Variants in DLGAP2 observed in about 807,000 individuals in gnomAD.
DLGAP2 encodes disks large-associated protein 2.
A neutral mutation model predicts 100.3 loss-of-function variants in DLGAP2; 26 were observed. The ratio of observed to expected loss-of-function variants is 0.26; its 90% CI spans 0.19 to 0.36. The LOEUF is 0.36. DLGAP2 is among the 10% of genes least tolerant of loss of function. The pLI, the probability that DLGAP2 is intolerant of heterozygous loss-of-function variation, is 1.00. For missense variants in DLGAP2, 1,858 were observed against 1,453.2 expected (o/e 1.28, Z -4.53); for synonymous variants, 886 against 630.1 (o/e 1.41, Z -6.08).
At chr8:1,179,396 C>T (rs1309761019) in intron 2 of DLGAP2, among the ~76,000 whole-genome samples, 3 of 152,228 alleles carry the variant, frequency 2.0e-5, no homozygotes, top group East Asian at 1.9e-4. Flanking sequence ...ACTGTGCAGT[C>T]GATGGACACT....
chr8:989,750 A>G (rs926441825), intron 2 of DLGAP2, among the ~76,000 whole-genome samples: 4 of 152,178 alleles, frequency 2.6e-5, no homozygotes, highest in African/African-American at 4.8e-5. Context: ...ATCTTATGAA[A>G]TACATAATAT....
At chr8:1,075,667 G>A (rs529380010) in intron 2 of DLGAP2, among the ~76,000 whole-genome samples, 34 of 152,246 alleles carry the variant, frequency 2.2e-4, no homozygotes, top group Non-Finnish European at 4.1e-4. Context: ...TTCTCCTTCA[G>A]GTCCTTTGTG....
At chr8:1,226,658 T>G (rs1466677375) in intron 2 of DLGAP2, among the ~76,000 whole-genome samples, 1 of 152,206 alleles carries the variant, frequency 6.6e-6, no homozygotes, top group Non-Finnish European at 1.5e-5. Flanking sequence ...TGAGTAGATA[T>G]TCTCAGAAGA....
At chr8:1,200,621 C>G (rs1170924691) in intron 2 of DLGAP2, among the ~76,000 whole-genome samples, 3 of 152,240 alleles carry the variant, frequency 2.0e-5, no homozygotes, top group Admixed American at 6.5e-5. Context: ...CAAAGCGTCA[C>G]TTGCGCTGGA....
chr8:761,618 G>T (rs766966989), intron 1 of DLGAP2, among the ~76,000 whole-genome samples: 1 of 152,194 alleles, frequency 6.6e-6, no homozygotes, highest in South Asian at 2.1e-4. Context: ...CACCCTTAGG[G>T]AACATCTTCT....
At chr8:772,125 T>C (rs755472994) in intron 1 of DLGAP2, among the ~76,000 whole-genome samples, 16 of 152,266 alleles carry the variant, frequency 1.1e-4, no homozygotes, top group Non-Finnish European at 2.4e-4. Flanking sequence ...GCTCTTGACC[T>C]CCTGGGCTGA....
At chr8:1,191,210 C>T (rs1323651333) in intron 2 of DLGAP2, among the ~76,000 whole-genome samples, 3 of 143,506 alleles carry the variant, frequency 2.1e-5, no homozygotes, top group Non-Finnish European at 4.5e-5. Context: ...CTCACTCTGT[C>T]ACCCAGGCTG....
At chr8:1,357,026 C>T (rs150163445) in intron 3 of DLGAP2, among the ~76,000 whole-genome samples, 235 of 150,896 alleles carry the variant, frequency 1.6e-3, no homozygotes, top group African/African-American at 5.1e-3. Flanking sequence ...CAGAATCTGG[C>T]GGGAGAAATC....
chr8:1,067,695 A>T (rs1365021244), intron 2 of DLGAP2, among the ~76,000 whole-genome samples: 6 of 151,634 alleles, frequency 4.0e-5, no homozygotes, highest in African/African-American at 1.5e-4. Context: ...AATTAAGTGG[A>T]AAGTGCAGAC....
intron 3 of DLGAP2, among the ~76,000 whole-genome samples, chr8:1,425,484 A>G (rs1356234812): frequency 1.3e-5 from 2 of 152,196 alleles, no homozygotes; most frequent in Non-Finnish European, 2.9e-5. Context: ...TGATGGGAAC[A>G]CTGTGCTTGG....
At chr8:1,636,341 G>A (rs1441592960) in intron 8 of DLGAP2, among the ~76,000 whole-genome samples, 1 of 152,206 alleles carries the variant, frequency 6.6e-6, no homozygotes, top group Non-Finnish European at 1.5e-5. Context: ...AAGCATGGCA[G>A]AGGAAACAGC....
At chr8:1,487,796 G>C (rs192310166) in intron 3 of DLGAP2, among the ~76,000 whole-genome samples, 1 of 152,190 alleles carries the variant, frequency 6.6e-6, no homozygotes, top group Non-Finnish European at 1.5e-5. Context: ...AGGGCTGGTC[G>C]AGTACGAGTA....
chr8:1,560,071 A>T (rs1282601187), intron 5 of DLGAP2, among the ~76,000 whole-genome samples: 1 of 152,224 alleles, frequency 6.6e-6, no homozygotes, highest in Non-Finnish European at 1.5e-5. Context: ...CTTTTCTTAA[A>T]TTAAAAATAA....
chr8:770,474 C>T (rs1265922488), intron 1 of DLGAP2, among the ~76,000 whole-genome samples: 4 of 152,150 alleles, frequency 2.6e-5, no homozygotes, highest in Admixed American at 2.6e-4. Flanking sequence ...ACTGAAGATA[C>T]ATGTTGTTCA....
At chr8:1,531,374 T>C (rs1244509789) in intron 4 of DLGAP2, among the ~76,000 whole-genome samples, 2 of 152,114 alleles carry the variant, frequency 1.3e-5, no homozygotes, top group Admixed American at 1.3e-4. Flanking sequence ...GTCAAATTAC[T>C]TGCTAAAAGG....
chr8:890,035 C>T (rs1487877019), intron 1 of DLGAP2, among the ~76,000 whole-genome samples: 1 of 152,076 alleles, frequency 6.6e-6, no homozygotes, highest in Admixed American at 6.5e-5. Context: ...CGGGTGGCCC[C>T]CTCACCACAC....
chr8:840,003 G>A (rs1032502064), intron 1 of DLGAP2, among the ~76,000 whole-genome samples: 6 of 144,998 alleles, frequency 4.1e-5, no homozygotes, highest in Non-Finnish European at 7.6e-5. Context: ...ACGCCTGCAC[G>A]TCTCCCCACA....
chr8:1,090,111 C>T (rs1226934910), intron 2 of DLGAP2, among the ~76,000 whole-genome samples: 2 of 141,506 alleles, frequency 1.4e-5, no homozygotes, highest in African/African-American at 5.4e-5. Context: ...GGTGGAAACT[C>T]ACACCCCGAG....
At chr8:1,165,788 C>A (rs1409758460) in intron 2 of DLGAP2, among the ~76,000 whole-genome samples, 1 of 151,698 alleles carries the variant, frequency 6.6e-6, no homozygotes, top group Non-Finnish European at 1.5e-5. Flanking sequence ...GTATCTCCTC[C>A]TGTTACTTTA....
Sources: allele counts gnomAD v4.1 joint callset (sites outside exome capture counted in the v4.1 genomes callset), GRCh38; gene constraint gnomAD v4.1.1; transcripts MANE v1.5; gene names NCBI Gene and HGNC (gene_info 2026-07-23, HGNC 2026-07-21).